The following LRRN1 variants were observed in gnomAD, a reference collection of about 807,000 sequenced individuals.
LRRN1 encodes leucine-rich repeat neuronal protein 1.
Under a neutral mutation model 45.8 loss-of-function variants are expected in LRRN1, and 14 were observed. That is an observed-to-expected ratio of 0.31 (90% CI 0.20 to 0.48). The LOEUF is 0.48. Ranked by LOEUF, LRRN1 falls within the 20% of genes least tolerant of loss-of-function variation. The pLI is 0.99. For missense variants in LRRN1, 789 were observed against 874.2 expected (o/e 0.90, Z 1.23); for synonymous variants, 359 against 330.1 (o/e 1.09, Z -0.95).
chr3:3,839,256 A>T (rs1311656720), intron 1 of LRRN1, among the ~76,000 whole-genome samples: 1 of 152,228 alleles, frequency 6.6e-6, no homozygotes, highest in East Asian at 1.9e-4. Context: ...TGTTGAAGAA[A>T]CTGTCCTTTA....
intron 1 of LRRN1, among the ~76,000 whole-genome samples, chr3:3,819,176 T>C (rs1374027198): frequency 1.3e-5 from 2 of 152,010 alleles, no homozygotes; most frequent in Non-Finnish European, 2.9e-5. Context: ...TTTGTAGGGA[T>C]GGGATCTCGC....
At chr3:3,824,810 T>A (rs1048321878) in intron 1 of LRRN1, among the ~76,000 whole-genome samples, 1 of 152,310 alleles carries the variant, frequency 6.6e-6, no homozygotes, top group East Asian at 1.9e-4. Flanking sequence ...GGATTGTCTA[T>A]CTAGAGTGCA....
rs561772004 is a variant in LRRN1, at chr3:3,818,378, G to A, written c.-279+18459G>A. On this transcript the variant is annotated intron_variant, in intron 1 of 1. Transcript: ENST00000319331. ...CTACACTTGCTGGTGCTGAAAAGGA[G>A]CAATAAAAACAGCCCAGTTGTTGGT... Among the ~76,000 whole-genome samples, 64 of 152,278 alleles carry A rather than the reference G, an allele frequency of 4.2e-4. No homozygotes were observed. In the South Asian group the frequency reaches 0.013, roughly 32 times the overall value.
intron 1 of LRRN1, among the ~76,000 whole-genome samples, chr3:3,823,525 C>T (rs1165052254): frequency 2.0e-5 from 3 of 152,094 alleles, no homozygotes; most frequent in Non-Finnish European, 4.4e-5. Flanking sequence ...AGGTTTTCAG[C>T]ACCTGACTCT....
At chr3:3,815,676 C>G (rs1692972531) in intron 1 of LRRN1, among the ~76,000 whole-genome samples, 1 of 152,130 alleles carries the variant, frequency 6.6e-6, no homozygotes, top group Non-Finnish European at 1.5e-5. Flanking sequence ...ATTTTCTGAT[C>G]TTGTTTTCAA....
chr3:3,842,600 G>C (rs1693673781), intron 1 of LRRN1, among the ~76,000 whole-genome samples: 1 of 152,076 alleles, frequency 6.6e-6, no homozygotes, highest in Admixed American at 6.5e-5. Context: ...ATAGCAGCTA[G>C]CATGAATTCA....
rs1193767345 is a variant in LRRN1 at position 3,845,252 on chromosome 3, T to C, written c.611T>C (p.Ile204Thr). The change falls in exon 2 of 2, where the codon ATT becomes ACT. Residue 204 changes from isoleucine (I) to threonine (T), a missense_variant. Ile to Thr is a moderately conservative substitution (Grantham distance 89). Coordinates refer to ENST00000319331, the MANE Select transcript of LRRN1 (RefSeq NM_020873.7). This position sits in a 1 kb window ranked among gnomAD's most constrained non-coding sequence, Gnocchi z 6.5. Reference sequence around the variant, plus strand: ...CTCATGATCGGAGAAAACCCTGTGATTGGAATTCTGGATATGAACTTCAAA... The same window carrying C: ...CTCATGATCGGAGAAAACCCTGTGACTGGAATTCTGGATATGAACTTCAAA... ...EILMIGENPV[I>T]GILDMNFKPL... The C allele has an allele frequency of 3.7e-6, 6 of 1,614,064 alleles. No homozygotes were observed. Among genetic ancestry groups the C allele is most frequent in the Admixed American group, 1.7e-5 (1 of 59,992 alleles).
rs1296705657 is a variant in LRRN1 at position 3,847,087 on chromosome 3, C to G, written c.*295C>G. 4.8e-6 allele frequency: 1 copy of G among 209,914 alleles called. No homozygotes were observed. The highest frequency in any genetic ancestry group is 1.2e-4 in the East Asian group (1 of 8,558). 13.0% of individuals were successfully genotyped at this position (209,914 alleles called of 1,614,324 possible). A position where few individuals can be genotyped will look rare whatever the true frequency, so the allele number is the denominator to read the frequency against. ...TTGTGCTAAACTCAATAATGCTGTT[C>G]TAACTACAGTGCTCAATAAAATGAT... On this transcript the variant is annotated 3_prime_UTR_variant, in exon 2 of 2. Transcript: ENST00000319331.
chr3:3,827,310 A>G, intron 1 of LRRN1: 1 of 325,600 alleles, frequency 3.1e-6, no homozygotes, highest in Non-Finnish European at 6.3e-6. Context: ...ACTTTATGCT[A>G]TACTCTTGTT....
intron 1 of LRRN1, among the ~76,000 whole-genome samples, chr3:3,806,431 C>T (rs761066882): frequency 5.3e-5 from 8 of 152,280 alleles, no homozygotes; most frequent in Admixed American, 2.6e-4. Flanking sequence ...CAGCAGGAGA[C>T]GATTTTCCAT....
At chr3:3,811,156 A>G (rs957878881) in intron 1 of LRRN1, among the ~76,000 whole-genome samples, 1 of 152,112 alleles carries the variant, frequency 6.6e-6, no homozygotes, top group Non-Finnish European at 1.5e-5. Flanking sequence ...TATTATCCCC[A>G]TTTTAAAGAT....
intron 1 of LRRN1, among the ~76,000 whole-genome samples, chr3:3,819,612 C>T (rs935952315): frequency 1.3e-4 from 20 of 152,160 alleles, no homozygotes; most frequent in Admixed American, 3.9e-4. Context: ...CATTTTCCCT[C>T]GTCTTTAAAG....
At chr3:3,813,348 G>A (rs1488841967) in intron 1 of LRRN1, among the ~76,000 whole-genome samples, 1 of 152,150 alleles carries the variant, frequency 6.6e-6, no homozygotes, top group Non-Finnish European at 1.5e-5. Flanking sequence ...TTTCAACACT[G>A]AGTTAGCATT....
intron 1 of LRRN1, among the ~76,000 whole-genome samples, chr3:3,824,186 C>T (rs1693167645): frequency 6.6e-6 from 1 of 152,138 alleles, no homozygotes; most frequent in South Asian, 2.1e-4. Flanking sequence ...GATGATCATA[C>T]CATATACACG....
At chr3:3,812,005 G>A (rs919832283) in intron 1 of LRRN1, among the ~76,000 whole-genome samples, 13 of 152,190 alleles carry the variant, frequency 8.5e-5, no homozygotes, top group Admixed American at 5.9e-4. Context: ...GTAGAATGGA[G>A]GAATAATGTC....
chr3:3,825,544 AC>A (rs904318504), intron 1 of LRRN1, among the ~76,000 whole-genome samples: 1 of 152,216 alleles, frequency 6.6e-6, no homozygotes, highest in African/African-American at 2.4e-5. Context: ...TAGGGGGAGG[AC>A]AATCTAATTT....
intron 1 of LRRN1, among the ~76,000 whole-genome samples, chr3:3,829,213 G>C (rs139039502): frequency 6.1e-4 from 93 of 151,946 alleles, no homozygotes; most frequent in African/African-American, 2.1e-3. Flanking sequence ...GATAATCTGG[G>C]TCAATCACAC....
At position 3,847,411 on chromosome 3, in the gene LRRN1, A is replaced by T. The variant is rs1693802782; in HGVS notation, c.*619A>T. ...TTTTTTTTTTTTGTTGTAATAGTTA[A>T]AGAGGCTTAGAACAAGCTAACAGGC... On this transcript the variant is annotated 3_prime_UTR_variant, in exon 2 of 2. Coordinates refer to ENST00000319331, the MANE Select transcript of LRRN1 (RefSeq NM_020873.7). The T allele has an allele frequency of 6.0e-6, 1 of 166,548 alleles. No homozygotes were observed. The highest frequency in any genetic ancestry group is 2.4e-5 in the African/African-American group (1 of 41,372). 10.3% of individuals were successfully genotyped at this position (166,548 alleles called of 1,614,324 possible). A position where few individuals can be genotyped will look rare whatever the true frequency, so the allele number is the denominator to read the frequency against.
intron 1 of LRRN1, among the ~76,000 whole-genome samples, chr3:3,839,102 C>T (rs1253283075): frequency 6.6e-6 from 1 of 151,924 alleles, no homozygotes; most frequent in Non-Finnish European, 1.5e-5. Context: ...AAGCTTTTTC[C>T]TTATGTTTTC....
Sources: allele counts gnomAD v4.1 joint callset (sites outside exome capture counted in the v4.1 genomes callset), GRCh38; gene constraint gnomAD v4.1.1; non-coding constraint Gnocchi (gnomAD v3.1); transcripts MANE v1.5; gene names NCBI Gene and HGNC (gene_info 2026-07-23, HGNC 2026-07-21).